The following ST6GAL2 variants were observed in gnomAD, a reference collection of about 807,000 sequenced individuals.
ST6GAL2 encodes the protein ST6 beta-galactoside alpha-2,6-sialyltransferase 2.
A neutral mutation model predicts 37.5 loss-of-function variants in ST6GAL2; 24 were observed. That is an observed-to-expected ratio of 0.64 (90% CI 0.46 to 0.90). The LOEUF is 0.90. Among genes scored for constraint, ST6GAL2 ranks in the 40% least tolerant of loss-of-function variants. The probability of loss-of-function intolerance (pLI) is 0.00; values close to 1 mark genes in which losing one functional copy is unlikely to be tolerated. For missense variants in ST6GAL2, 715 were observed against 712.7 expected, an observed-to-expected ratio of 1.00 and a Z score of -0.04; for synonymous variants, 306 against 295.1, an observed-to-expected ratio of 1.04 and a Z score of -0.38.
rs1352783737 is a variant in ST6GAL2 at position 106,804,516 on chromosome 2, T to C, written c.*2162A>G. ...TGAAATTATTACACACATGTAAACA[T>C]AAGGACAAGACAAAGTTTTTTCAAG... On this transcript the variant is annotated 3_prime_UTR_variant, in exon 6 of 6. Coordinates refer to ENST00000409382, the MANE Select transcript of ST6GAL2 (RefSeq NM_001142351.2). 2.0e-5 allele frequency: 3 copies of C among 152,052 alleles called. No homozygotes were observed. The highest frequency in any genetic ancestry group is 2.1e-4 in the South Asian group (1 of 4,826). The allele number at this position is 152,052 out of a possible 1,614,324, so 9.4% of individuals were successfully genotyped here.
chr2:106,880,664 G>T (rs1158318881), intron 1 of ST6GAL2, among the ~76,000 whole-genome samples: 1 of 152,152 alleles, frequency 6.6e-6, no homozygotes, highest in Non-Finnish European at 1.5e-5. Flanking sequence ...AAACATTTTT[G>T]TTGGTTTCTC....
intron 1 of ST6GAL2, among the ~76,000 whole-genome samples, chr2:106,861,707 T>G (rs1299069469): frequency 3.3e-5 from 5 of 151,964 alleles, no homozygotes; most frequent in Admixed American, 3.3e-4. Flanking sequence ...CTCGGCTAAC[T>G]TCAACCTGTG....
At position 106,852,303 on chromosome 2, in the gene ST6GAL2, GC is replaced by G. The variant is rs769287749; in HGVS notation, c.-57-8270del. On this transcript the variant is annotated intron_variant, in intron 1 of 5. Transcript: ENST00000409382. ...GAAGGGCAGCCCCCCTGCAGGCAGT[GC>G]CCCCTCCTTGTGATGGCGCTGTTTG... Among the ~76,000 whole-genome samples, 10 of 152,310 alleles carry G rather than the reference GC, an allele frequency of 6.6e-5. No homozygotes were observed. In the East Asian group the frequency reaches 9.7e-4, roughly 15 times the overall value.
intron 1 of ST6GAL2, among the ~76,000 whole-genome samples, chr2:106,877,386 T>C (rs1678549739): frequency 6.6e-6 from 1 of 151,990 alleles, no homozygotes; most frequent in African/African-American, 2.4e-5. Context: ...TACATGTATA[T>C]ACACACGATA....
intron 2 of ST6GAL2, among the ~76,000 whole-genome samples, chr2:106,842,713 G>C (rs1676942442): frequency 6.6e-6 from 1 of 152,130 alleles, no homozygotes; most frequent in Admixed American, 6.5e-5. Context: ...ACAGTGAGAA[G>C]GACGCCGGGG....
In ST6GAL2 at chr2:106,830,215, A is replaced by T; in HGVS notation, c.1169T>A (p.Leu390Gln). Residue 390 changes from leucine (L) to glutamine (Q), a missense_variant, in exon 5 of 6, where the codon CTG becomes CAG. Physicochemically the swap from Leu to Gln is moderately radical, Grantham distance 113. Coordinates refer to ENST00000409382, the MANE Select transcript of ST6GAL2 (RefSeq NM_001142351.2). ...NLWYKKPDYNLFTPYIQHRQR... is the reference protein window; with the variant it reads ...NLWYKKPDYNQFTPYIQHRQR... ...ACGATGCTGAATATATGGAGTGAAC[A>T]GGTTGTAATCCGGTTTTTTGTACCA... 1 of 1,612,948 alleles carries T rather than the reference A, an allele frequency of 6.2e-7. No individual in the cohort carries two copies. The highest frequency in any genetic ancestry group is 8.5e-7 in the Non-Finnish European group (1 of 1,179,844).
chr2:106,879,165 T>C lies in ST6GAL2; in HGVS notation c.-58+6928A>G, dbSNP rs569241290. Among the ~76,000 whole-genome samples the C allele has an allele frequency of 2.6e-5, 4 of 152,200 alleles. No individual in the cohort carries two copies. In the East Asian group the frequency reaches 7.7e-4, roughly 29 times the overall value. ...GTGCTTAACAGTCATGAGACAATAC[T>C]GAAAAAATGCCAAACAAAAAAAATT... is the stretch of plus-strand genomic sequence containing the variant. On this transcript the variant is annotated intron_variant, in intron 1 of 5. Transcript: ENST00000409382.
chr2:106,840,434 C>T (rs1048505392), intron 2 of ST6GAL2, among the ~76,000 whole-genome samples: 1 of 152,164 alleles, frequency 6.6e-6, no homozygotes, highest in African/African-American at 2.4e-5. Context: ...TGCTGAGATA[C>T]CAACTTATAC....
chr2:106,828,228 T>C (rs923419463), intron 5 of ST6GAL2, among the ~76,000 whole-genome samples: 2 of 152,224 alleles, frequency 1.3e-5, no homozygotes, highest in African/African-American at 2.4e-5. Flanking sequence ...ACTTTTGCTC[T>C]AATCAAATAT....
At chr2:106,815,086 T>A (rs1377531818) in intron 5 of ST6GAL2, among the ~76,000 whole-genome samples, 2 of 152,244 alleles carry the variant, frequency 1.3e-5, no homozygotes, top group African/African-American at 4.8e-5. Flanking sequence ...ATTCCTTTAT[T>A]GCTTCTCTAG....
At chr2:106,878,164 C>T (rs1027325234) in intron 1 of ST6GAL2, among the ~76,000 whole-genome samples, 2 of 152,176 alleles carry the variant, frequency 1.3e-5, no homozygotes, top group Non-Finnish European at 2.9e-5. Flanking sequence ...CAATAAAATA[C>T]CAATAAAAAT....
intron 1 of ST6GAL2, among the ~76,000 whole-genome samples, chr2:106,852,304 C>A (rs1255936090): frequency 6.6e-6 from 1 of 152,200 alleles, no homozygotes; most frequent in Non-Finnish European, 1.5e-5. Flanking sequence ...GCAGGCAGTG[C>A]CCCCTCCTTG....
intron 1 of ST6GAL2, 52 bp from the exon 2 acceptor site, chr2:106,844,086 C>CCCCA: frequency 1.2e-6 from 1 of 843,806 alleles, no homozygotes; most frequent in Non-Finnish European, 1.8e-6. Context: ...TGCTCAGATG[C>CCCCA]TGCTGGGGAC....
chr2:106,821,771 A>G (rs1428579538), intron 5 of ST6GAL2, among the ~76,000 whole-genome samples: 1 of 152,118 alleles, frequency 6.6e-6, no homozygotes, highest in African/African-American at 2.4e-5. Flanking sequence ...TCAATAAAAT[A>G]CTAGTAAATT....
At chr2:106,867,700 C>A (rs1558724079) in intron 1 of ST6GAL2, among the ~76,000 whole-genome samples, 2 of 151,980 alleles carry the variant, frequency 1.3e-5, no homozygotes, top group Non-Finnish European at 1.5e-5. Flanking sequence ...AGGAACCCAC[C>A]CCCAGCCCGA....
At chr2:106,867,609 T>A (rs1024700464) in intron 1 of ST6GAL2, among the ~76,000 whole-genome samples, 2 of 152,170 alleles carry the variant, frequency 1.3e-5, no homozygotes, top group Admixed American at 6.5e-5. Context: ...TCTGCTTTTT[T>A]TTTCCTCCTA....
At chr2:106,876,155 T>G (rs1011804126) in intron 1 of ST6GAL2, among the ~76,000 whole-genome samples, 3 of 2,866 alleles carry the variant, frequency 1.0e-3, no homozygotes, top group African/African-American at 1.9e-3. Context: ...TTAAAGTGTG[T>G]TTTTTTTCAT....
chr2:106,807,007 T>A, intron 5 of ST6GAL2, 58 bp from the exon 6 acceptor site: 2 of 1,468,398 alleles, frequency 1.4e-6, no homozygotes, highest in Non-Finnish European at 1.8e-6. Context: ...GAGGGATGAG[T>A]TTTTTGGGGG....
intron 1 of ST6GAL2, among the ~76,000 whole-genome samples, chr2:106,851,605 C>G (rs993357261): frequency 6.6e-6 from 1 of 151,974 alleles, no homozygotes; most frequent in Non-Finnish European, 1.5e-5. Context: ...TAACGATGTC[C>G]CTCTTAAGCC....
Sources: gnomAD v4.1 joint callset for allele counts (sites outside exome capture counted in the v4.1 genomes callset) on GRCh38, gnomAD v4.1.1 for gene constraint, MANE v1.5 for transcripts, NCBI Gene and HGNC (gene_info 2026-07-23, HGNC 2026-07-21) for gene names.